TMPRSS15: variants seen among roughly 807,000 people sequenced by gnomAD.
TMPRSS15 encodes the protein transmembrane serine protease 15.
Under a neutral mutation model 125.3 loss-of-function variants are expected in TMPRSS15, and 128 were observed. The observed-to-expected ratio is 1.02, with a 90% CI of 0.89 to 1.18. TMPRSS15 has a LOEUF of 1.18. Ranked by LOEUF, TMPRSS15 falls within the 50% of genes most tolerant of loss-of-function variation. The probability of loss-of-function intolerance (pLI) is 0.00; values close to 1 mark genes in which losing one functional copy is unlikely to be tolerated. For missense variants in TMPRSS15, 1,283 were observed against 1,212.7 expected (o/e 1.06, Z -0.86); for synonymous variants, 446 against 423.2 (o/e 1.05, Z -0.66).
chr21:18,472,882 A>G (rs1371306397), intron 1 of TMPRSS15, among the ~76,000 whole-genome samples: 1 of 152,130 alleles, frequency 6.6e-6, no homozygotes, highest in Non-Finnish European at 1.5e-5. Context: ...TAGTTATTCC[A>G]ATAAGAAGGC....
chr21:18,374,179 G>GAGT (rs1382023008), intron 5 of TMPRSS15, among the ~76,000 whole-genome samples: 2 of 152,096 alleles, frequency 1.3e-5, no homozygotes, highest in African/African-American at 4.8e-5. Flanking sequence ...GATGTGTGAA[G>GAGT]AGTACATCAA....
At chr21:18,469,044 G>A (rs1978725039) in intron 1 of TMPRSS15, among the ~76,000 whole-genome samples, 1 of 152,126 alleles carries the variant, frequency 6.6e-6, no homozygotes, top group Non-Finnish European at 1.5e-5. Flanking sequence ...AATACCGGAG[G>A]AAAAAGCAAT....
intron 13 of TMPRSS15, among the ~76,000 whole-genome samples, chr21:18,340,025 C>T (rs984142029): frequency 1.3e-5 from 2 of 152,130 alleles, no homozygotes; most frequent in African/African-American, 4.8e-5. Context: ...GAAACATATG[C>T]CAAAGCCTTA....
intron 18 of TMPRSS15, among the ~76,000 whole-genome samples, chr21:18,308,464 A>C (rs758180783): frequency 6.6e-6 from 1 of 152,076 alleles, no homozygotes; most frequent in Non-Finnish European, 1.5e-5. Flanking sequence ...TTTTTAACAC[A>C]TACTATTTAT....
chr21:18,424,947 G>A (rs2076199569), intron 1 of TMPRSS15, among the ~76,000 whole-genome samples: 1 of 148,780 alleles, frequency 6.7e-6, no homozygotes, highest in African/African-American at 2.4e-5. Context: ...ATTCATACAT[G>A]TGTGAATTCA....
intron 1 of TMPRSS15, among the ~76,000 whole-genome samples, chr21:18,422,084 A>G (rs2076193352): frequency 6.6e-6 from 1 of 151,438 alleles, no homozygotes; most frequent in South Asian, 2.1e-4. Context: ...CCCAGGTTCA[A>G]ACGATTCTTC....
intron 23 of TMPRSS15, among the ~76,000 whole-genome samples, chr21:18,276,927 AT>A (rs1016603973): frequency 7.5e-5 from 11 of 147,294 alleles, no homozygotes; most frequent in Non-Finnish European, 6.0e-5. Flanking sequence ...CGCCTGGCTA[AT>A]TTTTTTTTTG....
At chr21:18,298,891 T>C (rs777770079) in intron 18 of TMPRSS15, among the ~76,000 whole-genome samples, 17 of 152,228 alleles carry the variant, frequency 1.1e-4, no homozygotes, top group Non-Finnish European at 2.4e-4. Flanking sequence ...TTCTGATCAA[T>C]TAGAAGATAC....
chr21:18,341,500 C>T lies in TMPRSS15; in HGVS notation c.1477G>A (p.Asp493Asn). ...KNKILSDIAL[D>N]DISLTYGICN... is the part of the protein sequence containing the mutation. ...ATCCCATATGTTAGGCTAATGTCATCCAACGCAATATCACTCAGGATCTTG... is the reference window on the plus strand; with the variant it reads ...ATCCCATATGTTAGGCTAATGTCATTCAACGCAATATCACTCAGGATCTTG... The change falls in exon 13 of 25, where the codon GAT (aspartate) becomes AAT (asparagine). Residue 493 changes from aspartate to asparagine, a missense_variant. Transcript: ENST00000284885. 2 of 1,614,124 alleles carry T rather than the reference C, an allele frequency of 1.2e-6. No individual in the cohort carries two copies. Among genetic ancestry groups the T allele is most frequent in the Non-Finnish European group, 1.7e-6 (2 of 1,179,998 alleles).
At chr21:18,343,307 C>T (rs2075468241) in intron 12 of TMPRSS15, among the ~76,000 whole-genome samples, 199 bp downstream of exon 12, 1 of 152,024 alleles carries the variant, frequency 6.6e-6, no homozygotes, top group Admixed American at 6.5e-5. Flanking sequence ...TACATTGTTC[C>T]TCAATGATGG....
upstream of TMPRSS15, among the ~76,000 whole-genome samples, chr21:18,408,425 T>C (rs1445379546): frequency 1.3e-5 from 2 of 152,168 alleles, no homozygotes; most frequent in East Asian, 1.9e-4. Flanking sequence ...TAAGAAAATA[T>C]GTATTCTTCG....
rs1161694728 is a variant in TMPRSS15 at position 18,332,138 on chromosome 21, T to C, written c.1600A>G (p.Asn534Asp). 1 of 1,614,112 alleles carries C rather than the reference T, an allele frequency of 6.2e-7. No individual in the cohort carries two copies. The highest frequency in any genetic ancestry group is 8.5e-7 in the Non-Finnish European group (1 of 1,179,986). ...CGGPFELWEPNTTFSSTNFPN... is the reference protein window; with the variant it reads ...CGGPFELWEPDTTFSSTNFPN... ...AAGTTCGTAGAACTGAATGTTGTAT[T>C]TGGCTCCCACAGCTCAAAAGGTCCT... The change falls in exon 14 of 25, where the codon AAT becomes GAT. Residue 534 changes from asparagine (N) to aspartate (D), a missense_variant. Asn to Asp is a conservative substitution (Grantham distance 23). Coordinates refer to ENST00000284885, the MANE Select transcript of TMPRSS15 (RefSeq NM_002772.3).
At chr21:18,353,573 C>T in intron 9 of TMPRSS15, 150 bp downstream of exon 9, 2 of 672,542 alleles carry the variant, frequency 3.0e-6, no homozygotes, top group East Asian at 2.9e-5. Context: ...TTTCTCATTT[C>T]TTTTTAAGTT....
At chr21:18,356,738 GA>G (rs2075628912) in intron 8 of TMPRSS15, among the ~76,000 whole-genome samples, 1 of 151,816 alleles carries the variant, frequency 6.6e-6, no homozygotes, top group Non-Finnish European at 1.5e-5. Context: ...AAAATGTGTT[GA>G]AAATGCTTTA....
Position 18,329,072 on chromosome 21 carries a change from T to C in TMPRSS15, c.1780+97A>G, listed in dbSNP as rs573550174. On this transcript the variant is annotated intron_variant, in intron 15 of 24. Transcript: ENST00000284885. ...TACTATTGTATTTTCATTTTGCAAG[T>C]TGTAAAAGAGTGATTACATTAATTA... 6.3e-6 allele frequency: 9 copies of C among 1,432,746 alleles called. No individual in the cohort carries two copies. The African/African-American group carries it at 9.9e-5, about 16-fold the overall frequency. 88.8% of individuals were successfully genotyped at this position (1,432,746 alleles called of 1,614,324 possible).
chr21:18,359,504 C>A (rs73196410), intron 8 of TMPRSS15, among the ~76,000 whole-genome samples: 23,060 of 151,838 alleles, frequency 0.15, 2,216 homozygotes, highest in East Asian at 0.28. Flanking sequence ...TAATTATAAT[C>A]CTTTGACAAA....
At position 18,365,056 on chromosome 21, in the gene TMPRSS15, T is replaced by TA. The variant is rs753474529; in HGVS notation, c.773+83dup. 69 of 1,170,752 alleles carry TA rather than the reference T, an allele frequency of 5.9e-5. No individual in the cohort carries two copies. The South Asian group carries it at 6.7e-4, about 11-fold the overall frequency. 72.5% of individuals were successfully genotyped at this position (1,170,752 alleles called of 1,614,324 possible). ...ATAGTTAATGAAAACAATGATTCTT[T>TA]AAAAAACTACTGAAAGCAATAAGAC... On this transcript the variant is annotated intron_variant, in intron 7 of 24. Coordinates refer to ENST00000284885, the MANE Select transcript of TMPRSS15 (RefSeq NM_002772.3).
In TMPRSS15 at chr21:18,380,069, T is replaced by C. The variant is rs940001337; in HGVS notation, c.497-751A>G. Among the ~76,000 whole-genome samples, 4 of 151,868 alleles carry C rather than the reference T, an allele frequency of 2.6e-5. No individual in the cohort carries two copies. The East Asian group carries it at 5.8e-4, about 22-fold the overall frequency. Reference sequence around the variant, plus strand: ...ATTCTCCTTTCCAAAGTGAAATATATTCTGAAAGTGGTCTTTCTTTATCTC... The same window carrying C: ...ATTCTCCTTTCCAAAGTGAAATATACTCTGAAAGTGGTCTTTCTTTATCTC... On this transcript the variant is annotated intron_variant, in intron 4 of 24. Transcript: ENST00000284885.
At chr21:18,384,112 C>T (rs934335042) in intron 3 of TMPRSS15, among the ~76,000 whole-genome samples, 1 of 152,088 alleles carries the variant, frequency 6.6e-6, no homozygotes, top group African/African-American at 2.4e-5. Flanking sequence ...TTTGCACTTA[C>T]TCTGATTTTA....
Sources: gnomAD v4.1 joint callset for allele counts (sites outside exome capture counted in the v4.1 genomes callset) on GRCh38, gnomAD v4.1.1 for gene constraint, MANE v1.5 for transcripts, NCBI Gene and HGNC (gene_info 2026-07-23, HGNC 2026-07-21) for gene names.